Variants in SPMIP2 observed in about 807,000 individuals in gnomAD.
The protein encoded by SPMIP2 is protein SPMIP2.
At chr4:159,067,343 C>G in the SPMIP2 span, among the ~76,000 whole-genome samples, 1 of 152,084 alleles carries the variant, frequency 6.6e-6, no homozygotes, top group Non-Finnish European at 1.5e-5. Flanking sequence ...CTCCTGGGTT[C>G]AAGCGATTCT....
At chr4:158,967,664 C>T in the SPMIP2 span, among the ~76,000 whole-genome samples, 1 of 152,152 alleles carries the variant, frequency 6.6e-6, no homozygotes, top group Non-Finnish European at 1.5e-5. Context: ...AAACTGGTGG[C>T]TATTTTTATG....
At chr4:158,923,994 C>A in the SPMIP2 span, among the ~76,000 whole-genome samples, 4 of 152,174 alleles carry the variant, frequency 2.6e-5, no homozygotes, top group East Asian at 7.7e-4. Flanking sequence ...AGGGTGGGGC[C>A]TTTATCCAAT....
At chr4:159,076,250 G>A in the SPMIP2 span, among the ~76,000 whole-genome samples, 1 of 152,078 alleles carries the variant, frequency 6.6e-6, no homozygotes, top group Admixed American at 6.6e-5. Context: ...TTCACTGATG[G>A]CTAAAGATTA....
At chr4:158,902,730 G>A in the SPMIP2 span, among the ~76,000 whole-genome samples, 43 of 152,252 alleles carry the variant, frequency 2.8e-4, no homozygotes, top group Non-Finnish European at 4.8e-4. Context: ...TGGCCTTGCT[G>A]AGAGCTGCAG....
At chr4:158,928,605 G>C in the SPMIP2 span, among the ~76,000 whole-genome samples, 23 of 152,276 alleles carry the variant, frequency 1.5e-4, no homozygotes, top group African/African-American at 5.3e-4. Context: ...AGCAGGATGT[G>C]GGTGGGGCCA....
the SPMIP2 span, chr4:158,904,792 AACTG>A: frequency 4.3e-6 from 2 of 462,746 alleles, no homozygotes; most frequent in Non-Finnish European, 7.9e-6. Flanking sequence ...TCAACAAAGA[AACTG>A]ACCTTTTTGG....
the SPMIP2 span, among the ~76,000 whole-genome samples, chr4:158,903,307 C>G: frequency 1.7e-4 from 26 of 152,126 alleles, no homozygotes; most frequent in African/African-American, 6.3e-4. Flanking sequence ...TGGGCTGCAC[C>G]CAGTGTCCAG....
At chr4:158,942,476 T>C in the SPMIP2 span, among the ~76,000 whole-genome samples, 3 of 152,108 alleles carry the variant, frequency 2.0e-5, no homozygotes, top group Non-Finnish European at 4.4e-5. Context: ...TCAGCACAAA[T>C]AGGTAATCCT....
chr4:158,992,115 T>C, the SPMIP2 span, among the ~76,000 whole-genome samples: 1 of 152,208 alleles, frequency 6.6e-6, no homozygotes, highest in African/African-American at 2.4e-5. Flanking sequence ...CTCAAACTCC[T>C]GGCCTCAAGT....
the SPMIP2 span, among the ~76,000 whole-genome samples, chr4:158,982,006 G>A: frequency 6.6e-6 from 1 of 151,968 alleles, no homozygotes; most frequent in African/African-American, 2.4e-5. Context: ...GACACAAATA[G>A]GCTCAAAATA....
At chr4:158,920,711 A>G in the SPMIP2 span, among the ~76,000 whole-genome samples, 1 of 152,244 alleles carries the variant, frequency 6.6e-6, no homozygotes, top group Non-Finnish European at 1.5e-5. Flanking sequence ...ACCACTGAAC[A>G]GAGACCCTTA....
chr4:159,048,207 G>C, the SPMIP2 span, among the ~76,000 whole-genome samples: 28 of 152,246 alleles, frequency 1.8e-4, no homozygotes, highest in African/African-American at 6.3e-4. Context: ...GGACATAATT[G>C]ACCGTTTTGT....
At chr4:158,956,137 T>G in the SPMIP2 span, among the ~76,000 whole-genome samples, 3 of 152,378 alleles carry the variant, frequency 2.0e-5, no homozygotes, top group East Asian at 5.8e-4. Flanking sequence ...GCTCCTTTTC[T>G]TCTTCAGTGG....
chr4:158,901,333 G>C, the SPMIP2 span, among the ~76,000 whole-genome samples: 1 of 151,996 alleles, frequency 6.6e-6, no homozygotes, highest in Non-Finnish European at 1.5e-5. Context: ...CTCTCTTCTG[G>C]CTTGTAGGGT....
chr4:158,936,405 A>G, the SPMIP2 span, among the ~76,000 whole-genome samples: 12 of 152,322 alleles, frequency 7.9e-5, no homozygotes, highest in East Asian at 1.5e-3. Context: ...CTGTGTATTC[A>G]TGTATTTCAA....
At chr4:158,904,590 C>T in the SPMIP2 span, 1 of 1,509,680 alleles carries the variant, frequency 6.6e-7, no homozygotes, top group Non-Finnish European at 9.2e-7. Context: ...AAATCAAATT[C>T]TCAACTGAAG....
chr4:159,046,052 C>T, the SPMIP2 span, among the ~76,000 whole-genome samples: 1 of 152,098 alleles, frequency 6.6e-6, no homozygotes, highest in Non-Finnish European at 1.5e-5. Context: ...AAGTTCGAGA[C>T]CAGCCTTGGC....
At chr4:158,940,081 G>A in the SPMIP2 span, among the ~76,000 whole-genome samples, 1 of 152,128 alleles carries the variant, frequency 6.6e-6, no homozygotes, top group South Asian at 2.1e-4. Flanking sequence ...CAACAGAAAT[G>A]AATTTTCTTA....
the SPMIP2 span, among the ~76,000 whole-genome samples, chr4:159,012,680 T>TC: frequency 6.6e-6 from 1 of 152,046 alleles, no homozygotes; most frequent in Non-Finnish European, 1.5e-5. Context: ...CAAATGATCC[T>TC]CCCACCTCAG....
Sources: allele counts gnomAD v4.1 joint callset (sites outside exome capture counted in the v4.1 genomes callset), GRCh38; gene constraint gnomAD v4.1.1; transcripts MANE v1.5; gene names NCBI Gene and HGNC (gene_info 2026-07-23, HGNC 2026-07-21).